The following IGSF11 variants were observed in gnomAD, a reference collection of about 807,000 sequenced individuals.
The protein encoded by IGSF11 is immunoglobulin superfamily member 11, also known as CXADR like 1.
A neutral mutation model predicts 41.0 loss-of-function variants in IGSF11; 22 were observed. That is an observed-to-expected ratio of 0.54 (90% CI 0.38 to 0.77). The LOEUF (loss-of-function observed/expected upper bound fraction) is 0.77. Among genes scored for constraint, IGSF11 ranks in the 30% least tolerant of loss-of-function variants. The pLI, the probability that IGSF11 is intolerant of heterozygous loss-of-function variation, is 0.00. For missense variants in IGSF11, 444 were observed against 530.8 expected (o/e 0.84, Z 1.61); for synonymous variants, 219 against 201.3 (o/e 1.09, Z -0.74).
chr3:119,135,285 A>G lies in IGSF11; in HGVS notation c.-14+10528T>C, dbSNP rs573815010. 3.9e-3 allele frequency among the ~76,000 whole-genome samples: 597 copies of G among 152,322 alleles called. 5 individuals carry two copies. The highest frequency in any genetic ancestry group is 0.013 in the African/African-American group (559 of 41,568). On this transcript the variant is annotated intron_variant, in intron 1 of 7. Transcript: ENST00000425327. ...TCAGTGTGAACAGGCAACCTACAGA[A>G]TGGGAAAAAATTTTTGCAATCTACC...
intron 4 of IGSF11, among the ~76,000 whole-genome samples, chr3:118,922,595 C>T (rs750788224): frequency 4.6e-5 from 7 of 152,222 alleles, no homozygotes; most frequent in African/African-American, 1.4e-4. Flanking sequence ...CACTCCCCAG[C>T]CCATGGAAAC....
intron 1 of IGSF11, among the ~76,000 whole-genome samples, chr3:119,130,559 C>T (rs1355945236): frequency 1.3e-5 from 2 of 152,184 alleles, no homozygotes; most frequent in African/African-American, 4.8e-5. Context: ...TCAGGAAGCT[C>T]GAACTGGGCA....
At chr3:118,910,314 A>G (rs1940112336) in intron 4 of IGSF11, among the ~76,000 whole-genome samples, 1 of 152,196 alleles carries the variant, frequency 6.6e-6, no homozygotes, top group South Asian at 2.1e-4. Flanking sequence ...CTGAGTTAAG[A>G]TGGTTACTGT....
intron 1 of IGSF11, among the ~76,000 whole-genome samples, chr3:118,945,618 GGCACTGTATTGTTGACA>G (rs1339497141): frequency 5.9e-5 from 9 of 152,156 alleles, no homozygotes; most frequent in African/African-American, 2.2e-4. Flanking sequence ...GGGGATAGAA[GGCACTGTATTGTTGACA>G]GCATCTGATC....
chr3:119,013,161 A>G (rs999492169), intron 1 of IGSF11: 4 of 152,212 alleles, frequency 2.6e-5, no homozygotes, highest in African/African-American at 7.2e-5. Context: ...ATGGAGTTCT[A>G]TGAAGACTAA....
chr3:119,018,363 G>GC (rs1246206113), intron 1 of IGSF11, among the ~76,000 whole-genome samples: 1 of 152,186 alleles, frequency 6.6e-6, no homozygotes, highest in African/African-American at 2.4e-5. Flanking sequence ...CTAAAGGTCT[G>GC]TTATAAGATT....
chr3:118,929,031 CA>C (rs1942613373), intron 2 of IGSF11, among the ~76,000 whole-genome samples: 1 of 152,048 alleles, frequency 6.6e-6, no homozygotes, highest in Non-Finnish European at 1.5e-5. Context: ...GATTCCAAAA[CA>C]AAAATTAAAA....
rs567074814 is a variant in IGSF11 at position 118,920,671 on chromosome 3, A to G, written c.580+5430T>C. Among the ~76,000 whole-genome samples the G allele has an allele frequency of 2.0e-5, 3 of 152,330 alleles. No homozygotes were observed. In the South Asian group the frequency reaches 6.2e-4, roughly 32 times the overall value. The stretch of plus-strand genomic sequence containing the variant: ...ATAACAAGCTTGTAAGCATCTAATG[A>G]CACACACTCAAAATGGGTAAAGAAA... On this transcript the variant is annotated intron_variant, in intron 4 of 6. Coordinates refer to ENST00000393775, the MANE Select transcript of IGSF11 (RefSeq NM_001015887.3).
At chr3:119,094,155 G>A in intron 1 of IGSF11, among the ~76,000 whole-genome samples, 1 of 127,920 alleles carries the variant, frequency 7.8e-6, no homozygotes, top group East Asian at 2.6e-4. Context: ...AGATGAAGGA[G>A]TGGAAATATA....
chr3:118,999,509 GCAA>G (rs1356493006), intron 1 of IGSF11, among the ~76,000 whole-genome samples: 1 of 152,084 alleles, frequency 6.6e-6, no homozygotes, highest in African/African-American at 2.4e-5. Flanking sequence ...GGTTGAAACA[GCAA>G]CAACAATGGG....
chr3:119,009,856 G>A (rs376418128), intron 1 of IGSF11, among the ~76,000 whole-genome samples: 25 of 152,146 alleles, frequency 1.6e-4, no homozygotes, highest in Admixed American at 4.6e-4. Context: ...TATAAGGAAC[G>A]TAACATCTAC....
At chr3:118,962,272 AATT>A (rs1945384815) in intron 1 of IGSF11, among the ~76,000 whole-genome samples, 1 of 152,178 alleles carries the variant, frequency 6.6e-6, no homozygotes, top group Non-Finnish European at 1.5e-5. Flanking sequence ...TTCTTTTGTC[AATT>A]ATTATATTAT....
chr3:118,930,033 T>C, intron 2 of IGSF11, 79 bp downstream of exon 2: 1 of 1,405,044 alleles, frequency 7.1e-7, no homozygotes. Flanking sequence ...AAACCAAAGA[T>C]GTACTCATGA....
chr3:118,994,677 G>A (rs1936101079), intron 1 of IGSF11, among the ~76,000 whole-genome samples: 2 of 152,188 alleles, frequency 1.3e-5, no homozygotes, highest in Non-Finnish European at 2.9e-5. Flanking sequence ...GAGGAAAATA[G>A]TGGGCCTAAT....
intron 1 of IGSF11, among the ~76,000 whole-genome samples, chr3:119,000,972 A>G (rs1297413450): frequency 6.6e-6 from 1 of 151,980 alleles, no homozygotes; most frequent in Non-Finnish European, 1.5e-5. Flanking sequence ...CCCAGCAACC[A>G]TATTTTCTAT....
intron 1 of IGSF11, among the ~76,000 whole-genome samples, chr3:119,050,744 C>A (rs1263217037): frequency 5.3e-5 from 8 of 151,770 alleles, no homozygotes; most frequent in Admixed American, 4.6e-4. Context: ...TTGGAACCAA[C>A]CCAAATGTCC....
chr3:119,073,459 G>C (rs2076436448), intron 1 of IGSF11, among the ~76,000 whole-genome samples: 1 of 152,192 alleles, frequency 6.6e-6, no homozygotes, highest in South Asian at 2.1e-4. Context: ...GGAGCAGGTG[G>C]TGGCGCCCAT....
chr3:119,128,808 T>C (rs958268254), intron 1 of IGSF11, among the ~76,000 whole-genome samples: 4 of 152,298 alleles, frequency 2.6e-5, no homozygotes, highest in Middle Eastern at 3.4e-3. Context: ...GCAATCCCAT[T>C]ACTGGGTGTA....
chr3:119,003,183 C>G (rs1937089545), intron 1 of IGSF11, among the ~76,000 whole-genome samples: 1 of 145,784 alleles, frequency 6.9e-6, no homozygotes, highest in South Asian at 2.2e-4. Context: ...CAAAGAGGTC[C>G]TTCACATCCC....
Sources: allele counts gnomAD v4.1 joint callset (sites outside exome capture counted in the v4.1 genomes callset), GRCh38; gene constraint gnomAD v4.1.1; transcripts MANE v1.5; gene names NCBI Gene and HGNC (gene_info 2026-07-23, HGNC 2026-07-21).